NSMCE1: variants seen among roughly 807,000 people sequenced by gnomAD.
NSMCE1 encodes the protein NSE1 component of SMC5/6 complex, also known as non-structural maintenance of chromosomes element 1 homolog.
In NSMCE1, 18 loss-of-function variants were observed where a neutral mutation model predicts 29.6. That is an observed-to-expected ratio of 0.61 (90% CI 0.42 to 0.90). The LOEUF is 0.90. NSMCE1 is among the 40% of genes least tolerant of loss of function. The pLI is 0.00. For synonymous variants in NSMCE1, 124 were observed against 133.4 expected, an observed-to-expected ratio of 0.93 and a Z score of 0.49; for missense variants, 314 against 343.6, an observed-to-expected ratio of 0.91 and a Z score of 0.68.
chr16:27,258,744 G>T (rs920960458), intron 1 of NSMCE1, among the ~76,000 whole-genome samples: 1 of 151,614 alleles, frequency 6.6e-6, no homozygotes, highest in Non-Finnish European at 1.5e-5. Flanking sequence ...CTGCTCTTTT[G>T]TTCTTTTTTT....
At chr16:27,251,191 A>ATATAT (rs1555477411) in intron 2 of NSMCE1, among the ~76,000 whole-genome samples, 304 of 32,228 alleles carry the variant, frequency 9.4e-3, no homozygotes, top group African/African-American at 0.03. Flanking sequence ...TATATATATA[A>ATATAT]ATATATATAT....
chr16:27,244,952 A>G (rs561276689), intron 2 of NSMCE1, among the ~76,000 whole-genome samples: 1 of 152,352 alleles, frequency 6.6e-6, no homozygotes, highest in South Asian at 2.1e-4. Flanking sequence ...GGAAAACCCC[A>G]AGAGAATTCA....
At chr16:27,257,659 T>A in intron 1 of NSMCE1, 78 bp from the exon 2 acceptor site, 1 of 1,175,762 alleles carries the variant, frequency 8.5e-7, no homozygotes, top group Non-Finnish European at 1.2e-6. Context: ...TAATTTACAT[T>A]AACAAATATA....
intron 6 of NSMCE1, 169 bp from the exon 7 acceptor site, chr16:27,226,015 G>A: frequency 1.4e-6 from 1 of 717,578 alleles, no homozygotes; most frequent in African/African-American, 1.8e-5. Flanking sequence ...GGAGTCTTTT[G>A]TTTGCTTGCT....
Position 27,258,506 on chromosome 16 carries a change from G to A in NSMCE1, c.-11-925C>T, listed in dbSNP as rs1198563831. Among the ~76,000 whole-genome samples the A allele has an allele frequency of 2.0e-5, 3 of 152,192 alleles. No homozygotes were observed. In the East Asian group the frequency reaches 5.8e-4, roughly 29 times the overall value. On this transcript the variant is annotated intron_variant, in intron 1 of 7. Coordinates refer to ENST00000361439, the MANE Select transcript of NSMCE1 (RefSeq NM_145080.4). ...TCTGAGGTGTTTACATTCATTTTAG[G>A]TGATGTCAAGATCTGACAAGAAAGA...
intron 5 of NSMCE1, among the ~76,000 whole-genome samples, chr16:27,231,776 T>C (rs933887892): frequency 4.6e-5 from 7 of 152,318 alleles, no homozygotes; most frequent in Admixed American, 3.9e-4. Flanking sequence ...AAGCCATTGA[T>C]GGGAGCTGCA....
At position 27,232,106 on chromosome 16, in the gene NSMCE1, G is replaced by A. The variant is rs74938720; in HGVS notation, c.483+895C>T. Among the ~76,000 whole-genome samples the A allele has an allele frequency of 0.016, 2,370 of 152,114 alleles. 60 individuals are homozygous for A. The highest frequency in any genetic ancestry group is 0.053 in the African/African-American group (2,195 of 41,486). ...ACACAGACTTCCCCAACCCAGACGC[G>A]AGCCTTCCTGAAAAGGAAGCGGAGA... On this transcript the variant is annotated intron_variant, in intron 5 of 7. Transcript: ENST00000361439. This position sits in a 1 kb window ranked among gnomAD's most constrained non-coding sequence, Gnocchi z 4.5.
At chr16:27,260,924 T>C (rs2084149454) in intron 1 of NSMCE1, among the ~76,000 whole-genome samples, 1 of 150,126 alleles carries the variant, frequency 6.7e-6, no homozygotes, top group Non-Finnish European at 1.5e-5. Context: ...CCTAGCACTT[T>C]GAGAGGCCAA....
intron 5 of NSMCE1, chr16:27,230,527 T>A (rs2083751804): frequency 1.3e-5 from 2 of 152,278 alleles, no homozygotes; most frequent in Admixed American, 1.3e-4. Flanking sequence ...AGAAAACACC[T>A]GGAGCTGGCA....
At chr16:27,231,779 G>A (rs2083765125) in intron 5 of NSMCE1, among the ~76,000 whole-genome samples, 1 of 152,298 alleles carries the variant, frequency 6.6e-6, no homozygotes, top group East Asian at 1.9e-4. Flanking sequence ...CCATTGATGG[G>A]AGCTGCAGTC....
intron 6 of NSMCE1, chr16:27,226,056 C>G: frequency 1.8e-6 from 1 of 547,894 alleles, no homozygotes; most frequent in East Asian, 3.4e-5. Flanking sequence ...CTAAACAATT[C>G]TGAACACATG....
chr16:27,251,218 A>AC (rs2084032476), intron 2 of NSMCE1, among the ~76,000 whole-genome samples: 1 of 141,966 alleles, frequency 7.0e-6, no homozygotes, highest in East Asian at 2.0e-4. Context: ...AAAACTCTGT[A>AC]GAGTTCAGAC....
At chr16:27,251,189 T>TATATATATATATA (rs1459861130) in intron 2 of NSMCE1, among the ~76,000 whole-genome samples, 3 of 58,804 alleles carry the variant, frequency 5.1e-5, no homozygotes, top group African/African-American at 1.0e-4. Flanking sequence ...TATATATATA[T>TATATATATATATA]AAATATATAT....
chr16:27,253,061 G>T (rs2141006072), intron 2 of NSMCE1, among the ~76,000 whole-genome samples: 1 of 152,324 alleles, frequency 6.6e-6, no homozygotes, highest in South Asian at 2.1e-4. Context: ...ACTTCCCACA[G>T]CTGGCCCTGT....
intron 2 of NSMCE1, among the ~76,000 whole-genome samples, chr16:27,249,249 T>C (rs2083995005): frequency 6.6e-6 from 1 of 152,238 alleles, no homozygotes. Flanking sequence ...GTCTTTTCAG[T>C]CTCTAAAGAG....
At chr16:27,262,779 A>G (rs1209075634) in intron 1 of NSMCE1, among the ~76,000 whole-genome samples, 3 of 152,246 alleles carry the variant, frequency 2.0e-5, no homozygotes, top group African/African-American at 7.2e-5. Context: ...TGCACAGCAA[A>G]AGAAACTATC....
At chr16:27,239,711 C>T (rs967336789) in intron 2 of NSMCE1, among the ~76,000 whole-genome samples, 4 of 152,176 alleles carry the variant, frequency 2.6e-5, no homozygotes, top group African/African-American at 9.7e-5. Flanking sequence ...GACAGAGGAA[C>T]GAGGCCCTGG....
chr16:27,252,654 C>T (rs113427390), intron 2 of NSMCE1, among the ~76,000 whole-genome samples: 26 of 152,342 alleles, frequency 1.7e-4, no homozygotes, highest in Non-Finnish European at 3.4e-4. Context: ...CGCGGTGGCT[C>T]ATGCCTGTAA....
intron 1 of NSMCE1, 71 bp downstream of exon 1, chr16:27,268,635 C>T (rs2084255164): frequency 6.5e-6 from 1 of 152,760 alleles, no homozygotes; most frequent in Non-Finnish European, 1.5e-5. Flanking sequence ...ACCCCACCTT[C>T]CGTCCTCCCC....
Sources: gnomAD v4.1 joint callset for allele counts (sites outside exome capture counted in the v4.1 genomes callset) on GRCh38, gnomAD v4.1.1 for gene constraint, Gnocchi (gnomAD v3.1) non-coding constraint, MANE v1.5 for transcripts, NCBI Gene and HGNC (gene_info 2026-07-23, HGNC 2026-07-21) for gene names.